GMEB2: variants seen among roughly 807,000 people sequenced by gnomAD.
GMEB2 encodes the protein glucocorticoid modulatory element-binding protein 2.
In GMEB2, 7 loss-of-function variants were observed where a neutral mutation model predicts 45.7. The observed-to-expected ratio is 0.15, with a 90% CI of 0.09 to 0.29. GMEB2 has a LOEUF of 0.29. GMEB2 is among the 10% of genes least tolerant of loss of function. The pLI, the probability that GMEB2 is intolerant of heterozygous loss-of-function variation, is 1.00. For synonymous variants in GMEB2, 322 were observed against 323.6 expected (o/e 1.00, Z 0.05); for missense variants, 582 against 739.2 (o/e 0.79, Z 2.47).
At chr20:63,598,392 G>A (rs1881215899) in intron 4 of GMEB2, among the ~76,000 whole-genome samples, 1 of 150,260 alleles carries the variant, frequency 6.7e-6, no homozygotes, top group Admixed American at 6.7e-5. Context: ...TTCTAAGCCA[G>A]GGGAACCCTC....
chr20:63,596,430 CTCAT>C (rs1235454936), intron 5 of GMEB2, among the ~76,000 whole-genome samples: 1 of 152,260 alleles, frequency 6.6e-6, no homozygotes, highest in South Asian at 2.1e-4. Flanking sequence ...AGGCTCCAGC[CTCAT>C]TCAATCTTTG....
At position 63,601,537 on chromosome 20, in the gene GMEB2, CT is replaced by C. The variant is rs34916384; in HGVS notation, c.357+1427del. ...TTATGCTTTACTCATGCTCTCTTTT[CT>C]TTTTTTTTTTTTTAAGAAGAAACTG... On this transcript the variant is annotated intron_variant, in intron 4 of 9. Transcript: ENST00000370077. 8.7e-4 allele frequency among the ~76,000 whole-genome samples: 126 copies of C among 145,026 alleles called. No homozygotes were observed. In the East Asian group the frequency reaches 0.013, roughly 15 times the overall value.
chr20:63,599,830 C>T (rs147842810), intron 4 of GMEB2, among the ~76,000 whole-genome samples: 120 of 152,338 alleles, frequency 7.9e-4, no homozygotes, highest in Non-Finnish European at 1.2e-3. Flanking sequence ...CCCTTGCCCC[C>T]GCCTAGACCT....
At chr20:63,611,100 C>A (rs543747772) in intron 2 of GMEB2, among the ~76,000 whole-genome samples, 1 of 152,226 alleles carries the variant, frequency 6.6e-6, no homozygotes, top group African/African-American at 2.4e-5. Flanking sequence ...CCAAGCTCTG[C>A]GGTGGTTTGT....
At chr20:63,617,555 A>G (rs2089617412) in intron 2 of GMEB2, among the ~76,000 whole-genome samples, 1 of 151,722 alleles carries the variant, frequency 6.6e-6, no homozygotes, top group Non-Finnish European at 1.5e-5. Flanking sequence ...AGCTCAGGAT[A>G]CTGAAGGTCC....
rs1010116736 is a variant in GMEB2 at position 63,589,773 on chromosome 20, C to A, written c.*316G>T. On this transcript the variant is annotated 3_prime_UTR_variant, in exon 10 of 10. Transcript: ENST00000370077. ...TCTGTCTCTGCTGCACCCAGGCTCC[C>A]CCTAGCCCCCGCCCACCTGGCTCCT... is the stretch of plus-strand genomic sequence containing the variant. The A allele has an allele frequency of 3.8e-6, 1 of 263,062 alleles. No homozygotes were observed. The highest frequency in any genetic ancestry group is 5.4e-5 in the Admixed American group (1 of 18,472). 16.3% of individuals were successfully genotyped at this position (263,062 alleles called of 1,614,324 possible).
rs2083134342 is a variant in GMEB2, at chr20:63,590,347, C to T, written c.1335G>A (p.Val445=). ...ASSGSTYPST[V]EIHPDASSLT... is the part of the protein sequence containing the mutation. ...GGCTGGACGCGTCCGGGTGGATCTC[C>T]ACTGTGCTGGGGTAGGTGGAGCCGG... is the stretch of plus-strand genomic sequence containing the variant. The change falls in exon 10 of 10, where the codon GTG becomes GTA. Residue 445 remains valine (V), a synonymous_variant. Transcript: ENST00000370077. The T allele has an allele frequency of 1.9e-6, 3 of 1,611,664 alleles. No individual in the cohort carries two copies. Among genetic ancestry groups the T allele is most frequent in the Non-Finnish European group, 2.5e-6 (3 of 1,179,070 alleles).
At chr20:63,607,510 A>C (rs796736208) in intron 2 of GMEB2, among the ~76,000 whole-genome samples, 10 of 8,014 alleles carry the variant, frequency 1.2e-3, no homozygotes, top group Non-Finnish European at 2.2e-3. Flanking sequence ...TGACCCACAC[A>C]TCCATTTCTA....
In GMEB2 at chr20:63,624,302, G is replaced by A. The variant is rs1346484946; in HGVS notation, c.-58+2654C>T. On this transcript the variant is annotated intron_variant, in intron 1 of 9. Transcript: ENST00000370077. ...AAATTGGCCGGGCATGGTGGCGGGT[G>A]CCTGTAATCCCACCTACTTGGGAGG... Among the ~76,000 whole-genome samples the A allele has an allele frequency of 2.0e-5, 3 of 151,192 alleles. No homozygotes were observed. In the East Asian group the frequency reaches 5.8e-4, roughly 29 times the overall value.
intron 2 of GMEB2, among the ~76,000 whole-genome samples, chr20:63,613,919 T>G (rs2089588657): frequency 6.6e-6 from 1 of 152,146 alleles, no homozygotes; most frequent in African/African-American, 2.4e-5. Flanking sequence ...AGACTTCTCT[T>G]GGGTGTGAGA....
rs1290278411 is a variant in GMEB2 at position 63,588,703 on chromosome 20, G to A, written c.*1386C>T. On this transcript the variant is annotated 3_prime_UTR_variant, in exon 10 of 10. Coordinates refer to ENST00000370077, the MANE Select transcript of GMEB2 (RefSeq NM_012384.5). ...AAGTGGGACACAGGACCCTCGCATTGCGGGGCCTCAGACGGGCCTTCAACT... is the reference window on the plus strand; with the variant it reads ...AAGTGGGACACAGGACCCTCGCATTACGGGGCCTCAGACGGGCCTTCAACT... 3 of 398,446 alleles carry A rather than the reference G, an allele frequency of 7.5e-6. No individual in the cohort carries two copies. Among genetic ancestry groups the A allele is most frequent in the Non-Finnish European group, 1.3e-5 (3 of 226,114 alleles). The allele number at this position is 398,446 out of a possible 1,614,324, so 24.7% of individuals were successfully genotyped here.
chr20:63,599,827 C>G (rs568427869), intron 4 of GMEB2, among the ~76,000 whole-genome samples: 69 of 152,320 alleles, frequency 4.5e-4, no homozygotes, highest in Non-Finnish European at 8.7e-4. Context: ...GCCCCCTTGC[C>G]CCCGCCTAGA....
At chr20:63,604,598 C>T in intron 3 of GMEB2, 145 bp downstream of exon 3, 2 of 613,006 alleles carry the variant, frequency 3.3e-6, no homozygotes, top group Non-Finnish European at 5.9e-6. Context: ...TGGGGCCTGG[C>T]CTCTCACTCC....
At chr20:63,615,767 G>A (rs1437957273) in intron 2 of GMEB2, among the ~76,000 whole-genome samples, 1 of 152,214 alleles carries the variant, frequency 6.6e-6, no homozygotes, top group African/African-American at 2.4e-5. Context: ...GAACGCGAGG[G>A]GCACGTGCAG....
chr20:63,597,518 G>A (rs568028346), intron 5 of GMEB2, among the ~76,000 whole-genome samples: 28 of 152,258 alleles, frequency 1.8e-4, no homozygotes, highest in Non-Finnish European at 2.4e-4. Context: ...TAAAGAATTG[G>A]TGGAAATTAA....
intron 3 of GMEB2, 38 bp from the exon 4 acceptor site, chr20:63,603,130 G>C (rs373876949): frequency 1.9e-6 from 3 of 1,609,070 alleles, no homozygotes; most frequent in Non-Finnish European, 2.5e-6. Context: ...GGTAAAAGCA[G>C]AACATCAGTT....
intron 6 of GMEB2, among the ~76,000 whole-genome samples, chr20:63,594,034 A>C (rs200407180): frequency 3.9e-5 from 6 of 152,334 alleles, no homozygotes; most frequent in East Asian, 1.9e-4. Context: ...ACCACCACCA[A>C]CGACCTGGAA....
chr20:63,600,878 G>A (rs936102150), intron 4 of GMEB2, among the ~76,000 whole-genome samples: 7 of 152,090 alleles, frequency 4.6e-5, no homozygotes, highest in Non-Finnish European at 1.5e-5. Context: ...ATGAACTGTT[G>A]GAAGAACACC....
chr20:63,594,276 T>C (rs1311857460), intron 6 of GMEB2, among the ~76,000 whole-genome samples: 1 of 152,240 alleles, frequency 6.6e-6, no homozygotes, highest in Non-Finnish European at 1.5e-5. Flanking sequence ...AGCCTCAGCC[T>C]AGCTGTGAGG....
Sources: allele counts gnomAD v4.1 joint callset (sites outside exome capture counted in the v4.1 genomes callset), GRCh38; gene constraint gnomAD v4.1.1; transcripts MANE v1.5; gene names NCBI Gene and HGNC (gene_info 2026-07-23, HGNC 2026-07-21).